Variants in NDUFV1 observed in about 807,000 individuals in gnomAD.
NDUFV1 encodes the protein NADH dehydrogenase [ubiquinone] flavoprotein 1, mitochondrial.
In NDUFV1, 41 loss-of-function variants were observed where a neutral mutation model predicts 48.7. The ratio of observed to expected loss-of-function variants is 0.84; its 90% CI spans 0.66 to 1.09. NDUFV1 has a LOEUF of 1.09. Among genes scored for constraint, NDUFV1 ranks in the 50% least tolerant of loss-of-function variants. The probability of loss-of-function intolerance (pLI) is 0.00; values close to 1 mark genes in which losing one functional copy is unlikely to be tolerated. For missense variants in NDUFV1, 580 were observed against 645.4 expected, an observed-to-expected ratio of 0.90 and a Z score of 1.10; for synonymous variants, 231 against 259.1, an observed-to-expected ratio of 0.89 and a Z score of 1.04.
Position 67,611,784 on chromosome 11 carries a change from G to A in NDUFV1, c.1081-113G>A, listed in dbSNP as rs563321618. On this transcript the variant is annotated intron_variant, in intron 7 of 9. Transcript: ENST00000322776. The surrounding 1 kb of genome is among the most constrained non-coding windows in gnomAD (Gnocchi z 4.2). ...CAGGGAGGCTGGAGGAGGCCAGAACGCTGGGTGGGCTGGGAAGAGCTTCTG... is the reference window on the plus strand; with the variant it reads ...CAGGGAGGCTGGAGGAGGCCAGAACACTGGGTGGGCTGGGAAGAGCTTCTG... The A allele has an allele frequency of 2.7e-6, 4 of 1,464,012 alleles. No homozygotes were observed. Among genetic ancestry groups the A allele is most frequent in the Non-Finnish European group, 3.8e-6 (4 of 1,058,634 alleles). The allele number at this position is 1,464,012 out of a possible 1,614,324, so 90.7% of individuals were successfully genotyped here. A position where few individuals can be genotyped will look rare whatever the true frequency, so the allele number is the denominator to read the frequency against.
In NDUFV1 at chr11:67,611,598, C is replaced by G; in HGVS notation, c.1080+29C>G. Reference sequence around the variant, plus strand: ...AGGGTTCACACACCAGCCCTGGTCCCTGCCCTCCTGGTTGCTGTCTCCCTC... The same window carrying G: ...AGGGTTCACACACCAGCCCTGGTCCGTGCCCTCCTGGTTGCTGTCTCCCTC... On this transcript the variant is annotated intron_variant, in intron 7 of 9. Transcript: ENST00000322776. The surrounding 1 kb of genome is among the most constrained non-coding windows in gnomAD (Gnocchi z 4.2). The G allele has an allele frequency of 6.3e-7, 1 of 1,588,136 alleles. No homozygotes were observed.
chr11:67,609,912 A>AT (rs1435679829), intron 4 of NDUFV1: 1 of 448,038 alleles, frequency 2.2e-6, no homozygotes, highest in African/African-American at 2.0e-5. Flanking sequence ...AAGTGGAACT[A>AT]TGTGTTTAGC....
Position 67,608,607 on chromosome 11 carries a change from A to C in NDUFV1, c.211A>C (p.Lys71Gln), listed in dbSNP as rs562207273. 1.4e-5 allele frequency: 23 copies of C among 1,614,128 alleles called. 1 individual carries two copies. The South Asian group carries it at 2.5e-4, about 18-fold the overall frequency. Reference protein sequence around the residue: ...DWYKTKEILLKGPDWILGEIK... With the variant: ...DWYKTKEILLQGPDWILGEIK... ...GTACAAGACAAAGGAGATCCTGCTGAAGGGGCCCGACTGGATCCTGGGCGA... is the reference window on the plus strand; with the variant it reads ...GTACAAGACAAAGGAGATCCTGCTGCAGGGGCCCGACTGGATCCTGGGCGA... The change falls in exon 3 of 10, where the codon AAG becomes CAG. Residue 71 changes from lysine to glutamine, a missense_variant. Coordinates refer to ENST00000322776, the MANE Select transcript of NDUFV1 (RefSeq NM_007103.4).
chr11:67,607,256 A>G, intron 1 of NDUFV1, 180 bp downstream of exon 1: 2 of 749,368 alleles, frequency 2.7e-6, no homozygotes, highest in South Asian at 1.5e-5. Flanking sequence ...CGCGGGGCCG[A>G]CTCCCTTGAC....
At position 67,611,215 on chromosome 11, in the gene NDUFV1, C is replaced by G; in HGVS notation, c.913+8C>G. The stretch of plus-strand genomic sequence containing the variant: ...TGATTGAGAAGCATGCTGGTAAGGC[C>G]TGGGGCCAGCCAGGTGGTGGGGGGG... On this transcript the variant is annotated splice_region_variant and intron_variant, in intron 6 of 9. Coordinates refer to ENST00000322776, the MANE Select transcript of NDUFV1 (RefSeq NM_007103.4). The surrounding 1 kb of genome is among the most constrained non-coding windows in gnomAD (Gnocchi z 4.2). The G allele has an allele frequency of 6.2e-7, 1 of 1,613,642 alleles. No individual in the cohort carries two copies. Among genetic ancestry groups the G allele is most frequent in the Non-Finnish European group, 8.5e-7 (1 of 1,179,826 alleles).
At chr11:67,609,950 A>G (rs1854880937) in intron 4 of NDUFV1, 1 of 381,890 alleles carries the variant, frequency 2.6e-6, no homozygotes, top group Non-Finnish European at 4.7e-6. Context: ...ATGAATATAA[A>G]CAATTCCTAT....
chr11:67,611,793 G>A lies in NDUFV1; in HGVS notation c.1081-104G>A. 6.7e-7 allele frequency: 1 copy of A among 1,499,388 alleles called. No individual in the cohort carries two copies. Among genetic ancestry groups the A allele is most frequent in the East Asian group, 2.3e-5 (1 of 43,678 alleles). 92.9% of individuals were successfully genotyped at this position (1,499,388 alleles called of 1,614,324 possible). On this transcript the variant is annotated intron_variant, in intron 7 of 9. Transcript: ENST00000322776. The surrounding 1 kb of genome is among the most constrained non-coding windows in gnomAD (Gnocchi z 4.2). The stretch of plus-strand genomic sequence containing the variant: ...TGGAGGAGGCCAGAACGCTGGGTGG[G>A]CTGGGAAGAGCTTCTGGAACTGGGG...
chr11:67,611,773 G>C lies in NDUFV1; in HGVS notation c.1081-124G>C. ...CACAGGGGGCCCAGGGAGGCTGGAG[G>C]AGGCCAGAACGCTGGGTGGGCTGGG... On this transcript the variant is annotated intron_variant, in intron 7 of 9. Transcript: ENST00000322776. This position sits in a 1 kb window ranked among gnomAD's most constrained non-coding sequence, Gnocchi z 4.2. The C allele has an allele frequency of 7.0e-7, 1 of 1,427,448 alleles. No homozygotes were observed. Among genetic ancestry groups the C allele is most frequent in the Non-Finnish European group, 9.7e-7 (1 of 1,030,108 alleles). 88.4% of individuals were successfully genotyped at this position (1,427,448 alleles called of 1,614,324 possible). A position where few individuals can be genotyped will look rare whatever the true frequency, so the allele number is the denominator to read the frequency against.
rs1057522213 is a variant in NDUFV1 at position 67,610,987 on chromosome 11, C to T, written c.701-8C>T. 4 of 1,614,102 alleles carry T rather than the reference C, an allele frequency of 2.5e-6. No individual in the cohort carries two copies. In the Middle Eastern group the frequency reaches 6.6e-4, roughly 267 times the overall value. On this transcript the variant is annotated splice_polypyrimidine_tract_variant and splice_region_variant and intron_variant, in intron 5 of 9. Transcript: ENST00000322776. ...GCAGCCACCAGTTCTCTTCCCATTTCCCTGAAGGAGTGTTTGGCTGCCCCA... is the reference window on the plus strand; with the variant it reads ...GCAGCCACCAGTTCTCTTCCCATTTTCCTGAAGGAGTGTTTGGCTGCCCCA...
intron 5 of NDUFV1, 61 bp downstream of exon 5, chr11:67,610,631 C>T (rs756175651): frequency 1.9e-6 from 3 of 1,586,656 alleles, no homozygotes; most frequent in Non-Finnish European, 2.6e-6. Context: ...TCTGGCTAGG[C>T]TCCCTTTGGA....
rs1188731694 is a variant in NDUFV1 at position 67,611,467 on chromosome 11, G to C, written c.978G>C (p.Leu326=). 1 of 1,614,014 alleles carries C rather than the reference G, an allele frequency of 6.2e-7. No homozygotes were observed. Among genetic ancestry groups the C allele is most frequent in the East Asian group, 2.2e-5 (1 of 44,888 alleles). Reference sequence around the variant, plus strand: ...TCCCTGGCGGCTCGTCTACCCCACTGATCCCCAAGTCTGTGTGTGAGACGG... The same window carrying C: ...TCCCTGGCGGCTCGTCTACCCCACTCATCCCCAAGTCTGTGTGTGAGACGG... ...AVIPGGSSTP[L]IPKSVCETVL... The change falls in exon 7 of 10, where the codon CTG becomes CTC. Residue 326 remains leucine (L), a synonymous_variant. Coordinates refer to ENST00000322776, the MANE Select transcript of NDUFV1 (RefSeq NM_007103.4). The surrounding 1 kb of genome is among the most constrained non-coding windows in gnomAD (Gnocchi z 4.2).
chr11:67,612,148 A>T lies in NDUFV1; in HGVS notation c.1191A>T (p.Ala397=), dbSNP rs1591112042. The change falls in exon 9 of 10, where the codon GCA becomes GCT. Residue 397 remains alanine (A), a synonymous_variant. Coordinates refer to ENST00000322776, the MANE Select transcript of NDUFV1 (RefSeq NM_007103.4). This position sits in a 1 kb window ranked among gnomAD's most constrained non-coding sequence, Gnocchi z 4.4. ...EGVDWMNKVM[A]RFVRGDARPA... is the part of the protein sequence containing the mutation. ...TGGACTGGATGAACAAGGTGATGGC[A>T]CGTTTCGTGAGGGGGGATGCCCGGC... 6.2e-7 allele frequency: 1 copy of T among 1,613,486 alleles called. No individual in the cohort carries two copies. Among genetic ancestry groups the T allele is most frequent in the Non-Finnish European group, 8.5e-7 (1 of 1,179,918 alleles).
chr11:67,610,877 T>G, intron 5 of NDUFV1, 118 bp from the exon 6 acceptor site: 1 of 989,484 alleles, frequency 1.0e-6, no homozygotes, highest in Non-Finnish European at 1.6e-6. Flanking sequence ...ATAAGAATGA[T>G]AAGGGGATAT....
In NDUFV1 at chr11:67,612,241, T is replaced by A; in HGVS notation, c.1284T>A (p.Gly428=). The A allele has an allele frequency of 4.3e-6, 7 of 1,613,696 alleles. No homozygotes were observed. Among genetic ancestry groups the A allele is most frequent in the Non-Finnish European group, 5.9e-6 (7 of 1,179,910 alleles). The change falls in exon 9 of 10, where the codon GGT becomes GGA. Residue 428 remains glycine, a synonymous_variant. Coordinates refer to ENST00000322776, the MANE Select transcript of NDUFV1 (RefSeq NM_007103.4). The surrounding 1 kb of genome is among the most constrained non-coding windows in gnomAD (Gnocchi z 4.4). ...QIEGHTICAL[G]DGAAWPVQGL... ...AAGGCCATACGATTTGTGCTCTGGG[T>A]GACGGGGCCGCCTGGCCTGTGCAGG... is the stretch of plus-strand genomic sequence containing the variant.
chr11:67,612,437 G>C lies in NDUFV1; in HGVS notation c.1374G>C (p.Gln458His). 1.2e-6 allele frequency: 2 copies of C among 1,612,026 alleles called. No individual in the cohort carries two copies. Among genetic ancestry groups the C allele is most frequent in the South Asian group, 2.2e-5 (2 of 90,972 alleles). Residue 458 changes from glutamine to histidine, a missense_variant, in exon 10 of 10, where the codon CAG becomes CAC. Gln to His is a conservative substitution (Grantham distance 24). Coordinates refer to ENST00000322776, the MANE Select transcript of NDUFV1 (RefSeq NM_007103.4). This position sits in a 1 kb window ranked among gnomAD's most constrained non-coding sequence, Gnocchi z 4.4. ...ERMQRFAQQH[Q>H]ARQAAS is the part of the protein sequence containing the mutation. ...TGCAGCGGTTTGCCCAGCAGCATCA[G>C]GCCCGGCAGGCTGCCTCTTAGCCCA...
In NDUFV1 at chr11:67,610,312, GACTCCTGA is replaced by G; in HGVS notation, c.511-67_511-60del. 1.9e-6 allele frequency: 3 copies of G among 1,583,654 alleles called. No homozygotes were observed. The Admixed American group carries it at 5.0e-5, about 26-fold the overall frequency. On this transcript the variant is annotated intron_variant, in intron 4 of 9. Coordinates refer to ENST00000322776, the MANE Select transcript of NDUFV1 (RefSeq NM_007103.4). ...CGTGGGAGGCCTTCAAGGGCTTCAT[GACTCCTGA>G]AGTTATAGGCTGACTCCTGGGCTGG... is the stretch of plus-strand genomic sequence containing the variant.
chr11:67,612,344 T>G lies in NDUFV1; in HGVS notation c.1309-28T>G. On this transcript the variant is annotated intron_variant, in intron 9 of 9. Transcript: ENST00000322776. The surrounding 1 kb of genome is among the most constrained non-coding windows in gnomAD (Gnocchi z 4.4). ...GGTGTTGGGGGATTTTTGGACTCTG[T>G]TTCACATGGTCCCCCCACCGACCCC... 1 of 1,613,748 alleles carries G rather than the reference T, an allele frequency of 6.2e-7. No individual in the cohort carries two copies. The highest frequency in any genetic ancestry group is 8.5e-7 in the Non-Finnish European group (1 of 1,179,906).
At chr11:67,608,138 A>G (rs1416291685) in intron 1 of NDUFV1, 1 of 529,480 alleles carries the variant, frequency 1.9e-6, no homozygotes, top group African/African-American at 1.9e-5. Context: ...AGGCACAAGA[A>G]TTATTTGAAC....
chr11:67,608,653 G>A lies in NDUFV1; in HGVS notation c.257G>A (p.Arg86Lys). Residue 86 changes from arginine to lysine, a missense_variant, in exon 3 of 10, where the codon AGG becomes AAG. Coordinates refer to ENST00000322776, the MANE Select transcript of NDUFV1 (RefSeq NM_007103.4). Reference sequence around the variant, plus strand: ...GGCGAGATCAAGACATCGGGTTTGAGGGGCCGTGGAGGCGCTGGCTTCCCC... The same window carrying A: ...GGCGAGATCAAGACATCGGGTTTGAAGGGCCGTGGAGGCGCTGGCTTCCCC... Reference protein sequence around the residue: ...ILGEIKTSGLRGRGGAGFPTG... With the variant: ...ILGEIKTSGLKGRGGAGFPTG... The A allele has an allele frequency of 6.2e-7, 1 of 1,614,206 alleles. No homozygotes were observed. The highest frequency in any genetic ancestry group is 1.1e-5 in the South Asian group (1 of 91,088).
Sources: gnomAD v4.1 joint callset for allele counts on GRCh38, gnomAD v4.1.1 for gene constraint, Gnocchi (gnomAD v3.1) non-coding constraint, MANE v1.5 for transcripts, NCBI Gene and HGNC (gene_info 2026-07-23, HGNC 2026-07-21) for gene names.